The following PRKRIP1 variants were observed in gnomAD, a reference collection of about 807,000 sequenced individuals.
The protein encoded by PRKRIP1 is PRKR interacting protein 1.
PRKRIP1 carries 29 observed loss-of-function variants against 29.3 expected under a neutral mutation model. That is an observed-to-expected ratio of 0.99 (90% CI 0.74 to 1.35). The LOEUF (loss-of-function observed/expected upper bound fraction) is 1.35, where lower values mean the gene tolerates loss of function less well. PRKRIP1 is among the 40% of genes most tolerant of loss of function. The pLI, the probability that PRKRIP1 is intolerant of heterozygous loss-of-function variation, is 0.00. For synonymous variants in PRKRIP1, 90 were observed against 85.1 expected, an observed-to-expected ratio of 1.06 and a Z score of -0.32; for missense variants, 247 against 236.8, an observed-to-expected ratio of 1.04 and a Z score of -0.28.
intron 5 of PRKRIP1, among the ~76,000 whole-genome samples, chr7:102,416,088 C>A (rs373568882): frequency 1.3e-5 from 2 of 152,294 alleles, no homozygotes; most frequent in African/African-American, 4.8e-5. Flanking sequence ...TTCCTCCGGC[C>A]CCCGGCCCTA....
intron 3 of PRKRIP1, among the ~76,000 whole-genome samples, chr7:102,403,531 C>T (rs1304154711): frequency 2.6e-5 from 4 of 152,214 alleles, no homozygotes; most frequent in African/African-American, 9.6e-5. Context: ...CAGTCTCCCT[C>T]TGCCGCCTAG....
At chr7:102,407,287 T>C (rs1021430949) in intron 4 of PRKRIP1, 147 bp from the exon 5 acceptor site, 33 of 586,696 alleles carry the variant, frequency 5.6e-5, no homozygotes, top group Middle Eastern at 4.6e-4. Flanking sequence ...GCAATTACTT[T>C]TGCACTCACC....
In PRKRIP1 at chr7:102,425,006, G is replaced by A; in HGVS notation, c.458-8G>A. ...CATGTCTGTAATTTGAATGTCGTGT[G>A]GTTACAGGACCCGGTCAGCCCAAGG... On this transcript the variant is annotated splice_region_variant and splice_polypyrimidine_tract_variant and intron_variant, in intron 5 of 5. Transcript: ENST00000397912. 6.2e-7 allele frequency: 1 copy of A among 1,609,942 alleles called. No homozygotes were observed. The highest frequency in any genetic ancestry group is 8.5e-7 in the Non-Finnish European group (1 of 1,178,658).
Position 102,425,711 on chromosome 7 carries a change from G to A in PRKRIP1, c.*600G>A, listed in dbSNP as rs1353347297. On this transcript the variant is annotated 3_prime_UTR_variant, in exon 6 of 6. Coordinates refer to ENST00000397912, the MANE Select transcript of PRKRIP1 (RefSeq NM_024653.4). ...CCTGGGTGTGTGCACAAGGAGGCCC[G>A]GGCCAGGGACTTCACCAGGGGCTGG... is the stretch of plus-strand genomic sequence containing the variant. 2 of 169,604 alleles carry A rather than the reference G, an allele frequency of 1.2e-5. No individual in the cohort carries two copies. Among genetic ancestry groups the A allele is most frequent in the Non-Finnish European group, 2.5e-5 (2 of 78,644 alleles). 10.5% of individuals were successfully genotyped at this position (169,604 alleles called of 1,614,324 possible).
intron 5 of PRKRIP1, among the ~76,000 whole-genome samples, chr7:102,418,513 A>G (rs1010595534): frequency 2.6e-5 from 4 of 152,208 alleles, no homozygotes; most frequent in South Asian, 2.1e-4. Context: ...ATATCTGTCA[A>G]TACTAATACC....
intron 5 of PRKRIP1, among the ~76,000 whole-genome samples, chr7:102,423,881 T>C (rs911371065): frequency 6.6e-6 from 1 of 152,034 alleles, no homozygotes; most frequent in Non-Finnish European, 1.5e-5. Flanking sequence ...AGGCTTGTCT[T>C]GAACTCCTGG....
chr7:102,410,586 C>T (rs189772724), intron 5 of PRKRIP1, among the ~76,000 whole-genome samples: 6 of 152,252 alleles, frequency 3.9e-5, no homozygotes, highest in Non-Finnish European at 5.9e-5. Context: ...TCAAGACTCC[C>T]TCAGATCTGG....
chr7:102,408,796 G>C (rs1796298301), intron 5 of PRKRIP1, among the ~76,000 whole-genome samples: 1 of 152,180 alleles, frequency 6.6e-6, no homozygotes, highest in East Asian at 1.9e-4. Flanking sequence ...AGAATCACTT[G>C]AGCCCAGGAG....
intron 5 of PRKRIP1, among the ~76,000 whole-genome samples, chr7:102,414,491 T>C (rs1796477979): frequency 6.6e-6 from 1 of 152,222 alleles, no homozygotes; most frequent in South Asian, 2.1e-4. Context: ...ATACACCTAA[T>C]CTTTCTCCTT....
Position 102,404,647 on chromosome 7 carries a change from C to T in PRKRIP1, c.356C>T (p.Ala119Val). The change falls in exon 4 of 6, where the codon GCT becomes GTT. Residue 119 changes from alanine (A) to valine (V), a missense_variant. Ala to Val is a moderately conservative substitution (Grantham distance 64, BLOSUM62 0). Coordinates refer to ENST00000397912, the MANE Select transcript of PRKRIP1 (RefSeq NM_024653.4). ...AAAAGACTGGAAAAGAATAAAATTGCTGCAGAGGAGCAGACCGCAAAGCGC... is the reference window on the plus strand; with the variant it reads ...AAAAGACTGGAAAAGAATAAAATTGTTGCAGAGGAGCAGACCGCAAAGCGC... ...FQKRLEKNKI[A>V]AEEQTAKRRK... The T allele has an allele frequency of 1.2e-6, 2 of 1,613,892 alleles. No individual in the cohort carries two copies. Among genetic ancestry groups the T allele is most frequent in the Non-Finnish European group, 1.7e-6 (2 of 1,179,894 alleles).
intron 5 of PRKRIP1, among the ~76,000 whole-genome samples, chr7:102,418,370 T>A (rs1477996769): frequency 6.6e-6 from 1 of 152,016 alleles, no homozygotes; most frequent in Non-Finnish European, 1.5e-5. Context: ...TTTAGAGAAA[T>A]GGTATTAAAA....
chr7:102,424,370 T>C (rs1263785662), intron 5 of PRKRIP1, among the ~76,000 whole-genome samples: 1 of 152,270 alleles, frequency 6.6e-6, no homozygotes, highest in Non-Finnish European at 1.5e-5. Flanking sequence ...ATCTGCTGCC[T>C]TGTGGTCTCT....
chr7:102,417,406 T>C (rs1796582159), intron 5 of PRKRIP1, among the ~76,000 whole-genome samples: 1 of 152,188 alleles, frequency 6.6e-6, no homozygotes, highest in East Asian at 1.9e-4. Flanking sequence ...ATTGAAGTCA[T>C]TCTGCATGCT....
At chr7:102,407,757 C>T (rs1408858300) in intron 5 of PRKRIP1, among the ~76,000 whole-genome samples, 7 of 152,094 alleles carry the variant, frequency 4.6e-5, no homozygotes, top group Non-Finnish European at 1.0e-4. Context: ...AGATCAGTGA[C>T]ATTATTGGTT....
In PRKRIP1 at chr7:102,399,479, C is replaced by T; in HGVS notation, c.206-69C>T. 4 of 1,270,954 alleles carry T rather than the reference C, an allele frequency of 3.1e-6. No individual in the cohort carries two copies. The South Asian group carries it at 4.8e-5, about 15-fold the overall frequency. 78.7% of individuals were successfully genotyped at this position (1,270,954 alleles called of 1,614,324 possible). On this transcript the variant is annotated intron_variant, in intron 2 of 5. Transcript: ENST00000397912. ...CTTCCACTTTTTGTTTCTTTAGTCACCCTCGATTAAGGGTGACCTGTGTTG... is the reference window on the plus strand; with the variant it reads ...CTTCCACTTTTTGTTTCTTTAGTCATCCTCGATTAAGGGTGACCTGTGTTG...
chr7:102,399,280 G>A (rs1796002360), intron 2 of PRKRIP1, among the ~76,000 whole-genome samples: 1 of 152,190 alleles, frequency 6.6e-6, no homozygotes, highest in Non-Finnish European at 1.5e-5. Flanking sequence ...TGGAGGAGGT[G>A]AGAAAGTCAC....
chr7:102,411,806 GTTTTT>G (rs11361254), intron 5 of PRKRIP1, among the ~76,000 whole-genome samples: 2 of 142,276 alleles, frequency 1.4e-5, no homozygotes, highest in African/African-American at 5.2e-5. Flanking sequence ...CTTATTTTCT[GTTTTT>G]TTTTTTGTTT....
At chr7:102,415,500 C>T (rs544506358) in intron 5 of PRKRIP1, among the ~76,000 whole-genome samples, 25 of 152,254 alleles carry the variant, frequency 1.6e-4, no homozygotes, top group Admixed American at 4.6e-4. Flanking sequence ...CCTCCCAAAG[C>T]GCTGGGATTA....
rs1554570585 is a variant in PRKRIP1 at position 102,397,656 on chromosome 7, T to TG, written c.166dup (p.Ala56GlyfsTer46). On this transcript the variant is annotated frameshift_variant, in exon 2 of 6. Transcript: ENST00000397912. LOFTEE classifies it high-confidence loss of function. The stretch of plus-strand genomic sequence containing the variant: ...TCCAATTCCAGAGAAAATGAGTGAA[T>TG]GGGCACCTCGACCTCCCCCAGAATT... The TG allele has an allele frequency of 1.2e-6, 2 of 1,613,950 alleles. No individual in the cohort carries two copies. Among genetic ancestry groups the TG allele is most frequent in the Non-Finnish European group, 1.7e-6 (2 of 1,179,962 alleles).
Sources: allele counts gnomAD v4.1 joint callset (sites outside exome capture counted in the v4.1 genomes callset), GRCh38; gene constraint gnomAD v4.1.1; transcripts MANE v1.5; gene names NCBI Gene and HGNC (gene_info 2026-07-23, HGNC 2026-07-21).